Variants in YAF2 observed in about 807,000 individuals in gnomAD.
YAF2 encodes the protein YY1 associated factor 2.
Under a neutral mutation model 20.1 loss-of-function variants are expected in YAF2, and 7 were observed. The ratio of observed to expected loss-of-function variants is 0.35; its 90% CI spans 0.20 to 0.65. YAF2 has a LOEUF of 0.65. Among genes scored for constraint, YAF2 ranks in the 30% least tolerant of loss-of-function variants. YAF2 has a pLI of 0.69. For missense variants in YAF2, 151 were observed against 219.2 expected (o/e 0.69, Z 1.96); for synonymous variants, 74 against 76.0 (o/e 0.97, Z 0.14).
intron 2 of YAF2, among the ~76,000 whole-genome samples, chr12:42,200,981 C>T (rs1228642090): frequency 2.0e-5 from 3 of 152,116 alleles, no homozygotes; most frequent in East Asian, 3.8e-4. Context: ...AGGATTACAA[C>T]AGTTAAGATT....
At chr12:42,207,794 G>GCAGGAGAATGGCGTGAAC (rs1555159697) in intron 2 of YAF2, among the ~76,000 whole-genome samples, 1 of 151,336 alleles carries the variant, frequency 6.6e-6, no homozygotes, top group African/African-American at 2.4e-5. Context: ...GGGAGGCTGA[G>GCAGGAGAATGGCGTGAAC]GCAGGAGAAT....
intron 3 of YAF2, 199 bp downstream of exon 3, chr12:42,161,414 T>A (rs1272097442): frequency 2.1e-5 from 10 of 467,372 alleles, no homozygotes; most frequent in Admixed American, 4.3e-5. Context: ...AAAAGCATCA[T>A]CACATTTAAG....
In YAF2 at chr12:42,173,029, T is replaced by C. The variant is rs937514947; in HGVS notation, c.153-11264A>G. ...AATGGAGAGTAACTGCAAATGGACA[T>C]GAGAGAGGGAGAGAGAGACAGAGAG... is the stretch of plus-strand genomic sequence containing the variant. On this transcript the variant is annotated intron_variant, in intron 2 of 3. Coordinates refer to ENST00000534854, the MANE Select transcript of YAF2 (RefSeq NM_005748.6). Among the ~76,000 whole-genome samples the C allele has an allele frequency of 3.3e-5, 5 of 151,604 alleles. No individual in the cohort carries two copies. In the South Asian group the frequency reaches 1.0e-3, roughly 32 times the overall value.
At chr12:42,186,189 C>CAAAAA (rs58514363) in intron 2 of YAF2, among the ~76,000 whole-genome samples, 6 of 62,538 alleles carry the variant, frequency 9.6e-5, no homozygotes, top group South Asian at 8.0e-4. Context: ...AACTCTGTCT[C>CAAAAA]AAAAAAAAAA....
At chr12:42,201,414 T>C (rs1053629338) in intron 2 of YAF2, among the ~76,000 whole-genome samples, 2 of 152,212 alleles carry the variant, frequency 1.3e-5, no homozygotes, top group African/African-American at 4.8e-5. Flanking sequence ...TCCAATTCCA[T>C]TTCCTCTGCT....
chr12:42,212,852 A>G (rs1241144146), intron 2 of YAF2, among the ~76,000 whole-genome samples: 1 of 152,228 alleles, frequency 6.6e-6, no homozygotes, highest in African/African-American at 2.4e-5. Flanking sequence ...CCATTCAAAC[A>G]GGGGTACTAC....
chr12:42,237,877 G>A (rs1449353280), intron 1 of YAF2, 153 bp from the exon 2 acceptor site: 5 of 694,758 alleles, frequency 7.2e-6, no homozygotes, highest in African/African-American at 2.0e-5. Flanking sequence ...CGGCTGAGGG[G>A]GAAGGGAGTC....
chr12:42,204,357 T>C (rs1306914038), intron 2 of YAF2, among the ~76,000 whole-genome samples: 3 of 152,222 alleles, frequency 2.0e-5, no homozygotes, highest in Non-Finnish European at 2.9e-5. Flanking sequence ...ATTCAACCAA[T>C]TGCAGATTGA....
At chr12:42,235,534 C>T (rs2068121554) in intron 2 of YAF2, 1 of 1,338,810 alleles carries the variant, frequency 7.5e-7, no homozygotes, top group South Asian at 1.6e-5. Flanking sequence ...TTAGGTTTAA[C>T]TTAGAGCCAA....
intron 2 of YAF2, among the ~76,000 whole-genome samples, chr12:42,189,009 T>C (rs988963928): frequency 5.9e-5 from 9 of 152,138 alleles, no homozygotes; most frequent in African/African-American, 2.2e-4. Context: ...TACCTACAAC[T>C]GGGAGAATCA....
intron 2 of YAF2, among the ~76,000 whole-genome samples, chr12:42,236,613 T>C (rs566378800): frequency 2.0e-5 from 3 of 152,338 alleles, no homozygotes; most frequent in African/African-American, 7.2e-5. Context: ...AAATCTAACG[T>C]CTACTGAATA....
chr12:42,216,502 T>C (rs938842227), intron 2 of YAF2, among the ~76,000 whole-genome samples: 5 of 152,250 alleles, frequency 3.3e-5, no homozygotes, highest in South Asian at 2.1e-4. Flanking sequence ...TCCTTCTCCA[T>C]TTCTTTCTTC....
intron 2 of YAF2, among the ~76,000 whole-genome samples, chr12:42,225,737 A>G (rs530022657): frequency 1.3e-5 from 2 of 152,226 alleles, no homozygotes; most frequent in East Asian, 3.9e-4. Flanking sequence ...ATCGGTCTAT[A>G]TGTCTGTTTT....
chr12:42,204,569 G>A (rs2066987876), intron 2 of YAF2, among the ~76,000 whole-genome samples: 1 of 152,126 alleles, frequency 6.6e-6, no homozygotes, highest in African/African-American at 2.4e-5. Flanking sequence ...TTATGTCAGA[G>A]GCTTAAGCAT....
At chr12:42,220,372 T>C (rs560254146) in intron 2 of YAF2, among the ~76,000 whole-genome samples, 3 of 152,344 alleles carry the variant, frequency 2.0e-5, no homozygotes, top group South Asian at 2.1e-4. Context: ...CCAGATTCTT[T>C]ACATTAGCAT....
At chr12:42,192,119 G>A (rs754154934) in intron 2 of YAF2, among the ~76,000 whole-genome samples, 1 of 152,092 alleles carries the variant, frequency 6.6e-6, no homozygotes, top group South Asian at 2.1e-4. Context: ...ATTTAGTAAG[G>A]CTGGAGAATA....
At chr12:42,161,851 CAAGTT>C (rs1312853496) in intron 2 of YAF2, 86 bp from the exon 3 acceptor site, 12 of 1,221,796 alleles carry the variant, frequency 9.8e-6, no homozygotes, top group African/African-American at 7.9e-5. Flanking sequence ...ATTATGAAAA[CAAGTT>C]AATAACAATA....
At chr12:42,228,118 C>G (rs2067812320) in intron 2 of YAF2, among the ~76,000 whole-genome samples, 1 of 77,950 alleles carries the variant, frequency 1.3e-5, no homozygotes, top group African/African-American at 5.9e-5. Flanking sequence ...CCCCTCTGCC[C>G]GGCCAGCCGC....
intron 2 of YAF2, among the ~76,000 whole-genome samples, chr12:42,229,975 A>G (rs6582388): frequency 0.015 from 2,295 of 152,286 alleles, 52 homozygotes; most frequent in African/African-American, 0.053. Context: ...GCTTCTTTGA[A>G]AAGTACCATA....
Sources: allele counts gnomAD v4.1 joint callset (sites outside exome capture counted in the v4.1 genomes callset), GRCh38; gene constraint gnomAD v4.1.1; transcripts MANE v1.5; gene names NCBI Gene and HGNC (gene_info 2026-07-23, HGNC 2026-07-21).